The following IL18RAP variants were observed in gnomAD, a reference collection of about 807,000 sequenced individuals.
The protein encoded by IL18RAP is interleukin-18 receptor accessory protein.
Under a neutral mutation model 58.1 loss-of-function variants are expected in IL18RAP, and 37 were observed. The ratio of observed to expected loss-of-function variants is 0.64; its 90% CI spans 0.49 to 0.84. IL18RAP has a LOEUF of 0.84. Ranked by LOEUF, IL18RAP falls within the 40% of genes least tolerant of loss-of-function variation. The probability of loss-of-function intolerance (pLI) is 0.00; values close to 1 mark genes in which losing one functional copy is unlikely to be tolerated. For synonymous variants in IL18RAP, 268 were observed against 257.5 expected (o/e 1.04, Z -0.39); for missense variants, 667 against 704.8 (o/e 0.95, Z 0.61).
At chr2:102,434,702 C>T (rs1682619981) in intron 3 of IL18RAP, 1 of 152,194 alleles carries the variant, frequency 6.6e-6, no homozygotes, top group Admixed American at 6.5e-5. Flanking sequence ...ATTCAGCTCA[C>T]AATGTACCTT....
intron 7 of IL18RAP, among the ~76,000 whole-genome samples, chr2:102,446,498 T>C (rs1209544284): frequency 6.6e-6 from 1 of 152,152 alleles, no homozygotes; most frequent in Admixed American, 6.5e-5. Flanking sequence ...GTATTATTCT[T>C]ATGCCTTTGC....
At chr2:102,432,649 G>T (rs528016458) in intron 3 of IL18RAP, among the ~76,000 whole-genome samples, 68 of 152,164 alleles carry the variant, frequency 4.5e-4, no homozygotes, top group Non-Finnish European at 7.1e-4. Flanking sequence ...AGGCTTGATT[G>T]GGTTGCCACG....
chr2:102,429,154 A>G (rs1253661300), intron 3 of IL18RAP, among the ~76,000 whole-genome samples: 2 of 151,816 alleles, frequency 1.3e-5, no homozygotes, highest in Non-Finnish European at 1.5e-5. Context: ...CTGGCCTACA[A>G]TTTTCTTGTA....
intron 5 of IL18RAP, among the ~76,000 whole-genome samples, 170 bp downstream of exon 5, chr2:102,441,547 C>T (rs1683104282): frequency 6.6e-6 from 1 of 152,176 alleles, no homozygotes; most frequent in African/African-American, 2.4e-5. Context: ...TCCTTTAAGC[C>T]TCAGTACTTA....
At chr2:102,442,486 G>A (rs1683165331) in intron 5 of IL18RAP, among the ~76,000 whole-genome samples, 1 of 151,846 alleles carries the variant, frequency 6.6e-6, no homozygotes, top group African/African-American at 2.4e-5. Context: ...GAAAGAAGGA[G>A]GAAAAAATTA....
rs770171709 is a variant in IL18RAP, at chr2:102,451,822, T to C, written c.1441T>C (p.Leu481=). 1.2e-6 allele frequency: 2 copies of C among 1,614,070 alleles called. No individual in the cohort carries two copies. Among genetic ancestry groups the C allele is most frequent in the Non-Finnish European group, 1.7e-6 (2 of 1,179,914 alleles). ...GAGAAGCAGAAGAGGAATATTTATC[T>C]TGAGCCCCAACTATGTCAATGGACC... ...IKRSRRGIFI[L]SPNYVNGPSI... The change falls in exon 10 of 10, where the codon TTG becomes CTG. Residue 481 remains leucine (L), a synonymous_variant. Transcript: ENST00000687160.
At chr2:102,447,871 C>T (rs924639821) in intron 8 of IL18RAP, among the ~76,000 whole-genome samples, 15 of 152,142 alleles carry the variant, frequency 9.9e-5, no homozygotes, top group Non-Finnish European at 1.0e-4. Flanking sequence ...GCTGGGATTA[C>T]AGGCATGCGC....
chr2:102,420,786 G>A (rs534937724), upstream of IL18RAP, among the ~76,000 whole-genome samples: 11 of 152,252 alleles, frequency 7.2e-5, no homozygotes, highest in Non-Finnish European at 1.5e-4. Flanking sequence ...TATTTTGCAG[G>A]TAAGAAAGCT....
At chr2:102,423,154 C>A, upstream of IL18RAP, 1 of 948,042 alleles carries the variant, frequency 1.1e-6, no homozygotes, top group Non-Finnish European at 1.7e-6. Flanking sequence ...CTGACTTCTT[C>A]ATTTCCCATT....
Position 102,447,102 on chromosome 2 carries a change from G to A in IL18RAP, c.1105G>A (p.Gly369Arg). ...VLLYILLGTI[G>R]TLVAVLAASA... ...CCTGTACATCCTGCTTGGCACCATC[G>A]GGACCCTGGTGGCCGTGCTGGCGGC... The change falls in exon 8 of 10, where the codon GGG becomes AGG. Residue 369 changes from glycine to arginine, a missense_variant. Gly to Arg is a moderately radical substitution (Grantham distance 125, BLOSUM62 -2). Coordinates refer to ENST00000687160, the MANE Select transcript of IL18RAP (RefSeq NM_001393487.1). The A allele has an allele frequency of 3.1e-6, 5 of 1,613,974 alleles. No homozygotes were observed. Among genetic ancestry groups the A allele is most frequent in the South Asian group, 1.1e-5 (1 of 91,068 alleles).
At chr2:102,443,892 G>A (rs1289993285) in intron 6 of IL18RAP, among the ~76,000 whole-genome samples, 3 of 152,180 alleles carry the variant, frequency 2.0e-5, no homozygotes, top group Non-Finnish European at 2.9e-5. Context: ...GCTCTCTGGA[G>A]CACAGAACCC....
At chr2:102,430,504 T>C (rs1158803272) in intron 3 of IL18RAP, among the ~76,000 whole-genome samples, 1 of 152,050 alleles carries the variant, frequency 6.6e-6, no homozygotes, top group Non-Finnish European at 1.5e-5. Context: ...TGTCTTTTGA[T>C]TGGAGACATA....
At chr2:102,446,432 C>T (rs1683420080) in intron 7 of IL18RAP, among the ~76,000 whole-genome samples, 1 of 152,194 alleles carries the variant, frequency 6.6e-6, no homozygotes, top group Middle Eastern at 3.4e-3. Context: ...CCCGTTGTGT[C>T]GTCTTTTATC....
chr2:102,450,717 A>G (rs1683708807), intron 8 of IL18RAP, 131 bp from the exon 9 acceptor site: 1 of 520,714 alleles, frequency 1.9e-6, no homozygotes, highest in Non-Finnish European at 3.1e-6. Context: ...AATTTTTAAA[A>G]TCAATTTAGT....
chr2:102,443,462 G>C, intron 6 of IL18RAP, 139 bp downstream of exon 6: 1 of 892,858 alleles, frequency 1.1e-6, no homozygotes, highest in Non-Finnish European at 1.7e-6. Flanking sequence ...AAAATGCAAA[G>C]TGCAAACGGC....
At chr2:102,422,982 G>A (rs2104287497), upstream of IL18RAP, among the ~76,000 whole-genome samples, 1 of 152,264 alleles carries the variant, frequency 6.6e-6, no homozygotes, top group Non-Finnish European at 1.5e-5. Context: ...TAGAGCCTAG[G>A]GATATTGGGA....
At chr2:102,431,295 A>G (rs999730875) in intron 3 of IL18RAP, among the ~76,000 whole-genome samples, 1 of 152,168 alleles carries the variant, frequency 6.6e-6, no homozygotes, top group Non-Finnish European at 1.5e-5. Flanking sequence ...TGATAGCAAT[A>G]TTGGGACTTT....
chr2:102,427,679 T>C (rs941802902), intron 3 of IL18RAP, among the ~76,000 whole-genome samples: 1 of 152,110 alleles, frequency 6.6e-6, no homozygotes, highest in Non-Finnish European at 1.5e-5. Context: ...TTTCCTTTGC[T>C]ACACAGAAGC....
At chr2:102,445,141 T>G (rs1683333584) in intron 6 of IL18RAP, 48 bp from the exon 7 acceptor site, 1 of 1,557,238 alleles carries the variant, frequency 6.4e-7, no homozygotes, top group African/African-American at 1.4e-5. Flanking sequence ...TGCAAATGGG[T>G]GTCAATGTAT....
Sources: gnomAD v4.1 joint callset for allele counts (sites outside exome capture counted in the v4.1 genomes callset) on GRCh38, gnomAD v4.1.1 for gene constraint, MANE v1.5 for transcripts, NCBI Gene and HGNC (gene_info 2026-07-23, HGNC 2026-07-21) for gene names.